Variants in IGFBP7 observed in about 807,000 individuals in gnomAD.
IGFBP7 encodes the protein insulin like growth factor binding protein 7.
Under a neutral mutation model 29.4 loss-of-function variants are expected in IGFBP7, and 31 were observed. That is an observed-to-expected ratio of 1.05 (90% CI 0.79 to 1.42). The LOEUF is 1.42. IGFBP7 is among the 40% of genes most tolerant of loss of function. IGFBP7 has a pLI of 0.00. For missense variants in IGFBP7, 393 were observed against 395.5 expected (o/e 0.99, Z 0.05); for synonymous variants, 172 against 174.9 (o/e 0.98, Z 0.13).
At chr4:57,050,737 T>G (rs957650837) in intron 1 of IGFBP7, among the ~76,000 whole-genome samples, 6 of 151,806 alleles carry the variant, frequency 4.0e-5, no homozygotes, top group African/African-American at 1.5e-4. Flanking sequence ...TTTTTTTTTT[T>G]TGTAGAGACA....
At chr4:57,091,835 TCCAAGGGCAC>T (rs1725648071) in intron 1 of IGFBP7, among the ~76,000 whole-genome samples, 2 of 152,194 alleles carry the variant, frequency 1.3e-5, no homozygotes, top group Non-Finnish European at 2.9e-5. Flanking sequence ...CAAGGAGAGC[TCCAAGGGCAC>T]GTGTGGTAAA....
At chr4:57,083,613 C>A (rs961629098) in intron 1 of IGFBP7, among the ~76,000 whole-genome samples, 1 of 152,178 alleles carries the variant, frequency 6.6e-6, no homozygotes, top group African/African-American at 2.4e-5. Flanking sequence ...GTTTTGGTTG[C>A]CATACAGCAT....
At chr4:57,033,854 C>G (rs138186694) in intron 2 of IGFBP7, among the ~76,000 whole-genome samples, 1 of 152,138 alleles carries the variant, frequency 6.6e-6, no homozygotes, top group Admixed American at 6.5e-5. Flanking sequence ...AGTTCGAGAC[C>G]AGACTGACCA....
intron 1 of IGFBP7, among the ~76,000 whole-genome samples, chr4:57,068,427 C>T (rs1364704977): frequency 3.3e-5 from 5 of 151,976 alleles, no homozygotes; most frequent in African/African-American, 4.8e-5. Flanking sequence ...CCAAGGGAGG[C>T]GGGGGAAACG....
chr4:57,078,897 C>T (rs545828733), intron 1 of IGFBP7, among the ~76,000 whole-genome samples: 1 of 152,298 alleles, frequency 6.6e-6, no homozygotes, highest in African/African-American at 2.4e-5. Flanking sequence ...AGCTCCACCA[C>T]CCACCCCTGC....
chr4:57,091,346 C>T (rs764141369), intron 1 of IGFBP7, among the ~76,000 whole-genome samples: 2 of 152,184 alleles, frequency 1.3e-5, no homozygotes, highest in Non-Finnish European at 2.9e-5. Flanking sequence ...TTAACTGCTT[C>T]TGACACTCAA....
chr4:57,098,375 G>A (rs1455187199), intron 1 of IGFBP7, among the ~76,000 whole-genome samples: 1 of 152,238 alleles, frequency 6.6e-6, no homozygotes, highest in Non-Finnish European at 1.5e-5. Context: ...TGGGTGAGAA[G>A]AAAGAGGCCT....
chr4:57,041,040 T>A (rs1420015891), intron 1 of IGFBP7, 107 bp from the exon 2 acceptor site: 34 of 752,580 alleles, frequency 4.5e-5, no homozygotes, highest in Non-Finnish European at 7.8e-5. Flanking sequence ...ATCCCCTTGA[T>A]GGATTATCTG....
At chr4:57,082,985 C>A (rs968903489) in intron 1 of IGFBP7, among the ~76,000 whole-genome samples, 4 of 152,032 alleles carry the variant, frequency 2.6e-5, no homozygotes, top group African/African-American at 9.7e-5. Flanking sequence ...TTTATTAGTT[C>A]AATACACATA....
intron 1 of IGFBP7, among the ~76,000 whole-genome samples, chr4:57,093,380 G>A (rs1725684254): frequency 6.6e-6 from 1 of 151,932 alleles, no homozygotes; most frequent in Admixed American, 6.6e-5. Context: ...GGCACCTGTA[G>A]TCCCAGTTAC....
At chr4:57,104,762 A>G (rs897905264) in intron 1 of IGFBP7, among the ~76,000 whole-genome samples, 2 of 152,200 alleles carry the variant, frequency 1.3e-5, no homozygotes, top group African/African-American at 4.8e-5. Context: ...TTTGGGGGGA[A>G]AAGTTACCAT....
At chr4:57,109,191 G>C (rs1267766553) in intron 1 of IGFBP7, among the ~76,000 whole-genome samples, 1 of 152,044 alleles carries the variant, frequency 6.6e-6, no homozygotes. Flanking sequence ...ATCCCAGCAG[G>C]CCGGGATTAC....
intron 2 of IGFBP7, among the ~76,000 whole-genome samples, chr4:57,034,431 T>C (rs1307171583): frequency 6.6e-6 from 1 of 152,150 alleles, no homozygotes; most frequent in African/African-American, 2.4e-5. Context: ...CATTTATTGA[T>C]ATTACCTTTG....
intron 1 of IGFBP7, among the ~76,000 whole-genome samples, chr4:57,046,075 GA>G (rs2109749402): frequency 6.6e-6 from 1 of 152,266 alleles, no homozygotes; most frequent in East Asian, 1.9e-4. Flanking sequence ...AAAGGTAAAT[GA>G]AGATACATGG....
chr4:57,057,341 G>A (rs1299807878), intron 1 of IGFBP7, among the ~76,000 whole-genome samples: 1 of 152,220 alleles, frequency 6.6e-6, no homozygotes, highest in South Asian at 2.1e-4. Flanking sequence ...AGGACATTAT[G>A]CCTTTACAAG....
At chr4:57,040,797 A>G in intron 2 of IGFBP7, 27 bp downstream of exon 2, 1 of 1,424,590 alleles carries the variant, frequency 7.0e-7, no homozygotes, top group Non-Finnish European at 9.9e-7. Context: ...TCAGCCTAGG[A>G]TGTCTCTTAA....
chr4:57,081,994 T>C (rs1011990021), intron 1 of IGFBP7, among the ~76,000 whole-genome samples: 1 of 152,134 alleles, frequency 6.6e-6, no homozygotes, highest in African/African-American at 2.4e-5. Flanking sequence ...AAAGGCACTG[T>C]TGTAGAACCG....
At chr4:57,086,272 C>T (rs1725495491) in intron 1 of IGFBP7, among the ~76,000 whole-genome samples, 1 of 152,190 alleles carries the variant, frequency 6.6e-6, no homozygotes, top group African/African-American at 2.4e-5. Context: ...CACCAGGTCT[C>T]TCCCATGACA....
chr4:57,048,554 C>T (rs1560493493), intron 1 of IGFBP7, among the ~76,000 whole-genome samples: 1 of 152,152 alleles, frequency 6.6e-6, no homozygotes, highest in South Asian at 2.1e-4. Flanking sequence ...TCTCACAAAA[C>T]ACACAAATAT....
Sources: allele counts gnomAD v4.1 joint callset (sites outside exome capture counted in the v4.1 genomes callset), GRCh38; gene constraint gnomAD v4.1.1; transcripts MANE v1.5; gene names NCBI Gene and HGNC (gene_info 2026-07-23, HGNC 2026-07-21).